The following MYBL2 variants were observed in gnomAD, a reference collection of about 807,000 sequenced individuals.
The protein encoded by MYBL2 is myb-related protein B.
In MYBL2, 28 loss-of-function variants were observed where a neutral mutation model predicts 79.9. The observed-to-expected ratio is 0.35, with a 90% CI of 0.26 to 0.48. The LOEUF (loss-of-function observed/expected upper bound fraction) is 0.48. Among genes scored for constraint, MYBL2 ranks in the 20% least tolerant of loss-of-function variants. The pLI is 0.99. For synonymous variants in MYBL2, 378 were observed against 361.2 expected, an observed-to-expected ratio of 1.05 and a Z score of -0.53; for missense variants, 735 against 893.9, an observed-to-expected ratio of 0.82 and a Z score of 2.27.
intron 1 of MYBL2, among the ~76,000 whole-genome samples, chr20:43,669,087 C>T (rs1207896058): frequency 1.3e-5 from 2 of 152,180 alleles, no homozygotes; most frequent in South Asian, 2.1e-4. Flanking sequence ...AATCCGCCTG[C>T]CTTGGCCTCA....
chr20:43,696,928 T>C (rs1987556760), intron 6 of MYBL2, among the ~76,000 whole-genome samples: 1 of 152,302 alleles, frequency 6.6e-6, no homozygotes, highest in Admixed American at 6.5e-5. Flanking sequence ...GGTTTCACCA[T>C]GTTGGCCAGG....
rs774658231 is a variant in MYBL2 at position 43,702,474 on chromosome 20, C to G, written c.952-16C>G. 128 of 1,576,628 alleles carry G rather than the reference C, an allele frequency of 8.1e-5. No homozygotes were observed. Among genetic ancestry groups the G allele is most frequent in the Non-Finnish European group, 1.1e-4 (127 of 1,155,492 alleles). Reference sequence around the variant, plus strand: ...GAGCATAGTAATTGCAATTCCTAACCTCCCTCCCTGGACAGGACCCTGATG... The same window carrying G: ...GAGCATAGTAATTGCAATTCCTAACGTCCCTCCCTGGACAGGACCCTGATG... On this transcript the variant is annotated splice_polypyrimidine_tract_variant and intron_variant, in intron 7 of 13. Transcript: ENST00000217026.
chr20:43,709,974 C>T lies in MYBL2; in HGVS notation c.1517C>T (p.Pro506Leu). 1 of 1,606,386 alleles carries T rather than the reference C, an allele frequency of 6.2e-7. No homozygotes were observed. Among genetic ancestry groups the T allele is most frequent in the Non-Finnish European group, 8.5e-7 (1 of 1,176,312 alleles). The stretch of plus-strand genomic sequence containing the variant: ...CTGGCCCCTGGCAGGTTTGTAACCC[C>T]AGATCAGAAGTACTCCATGGACAAC... Reference protein sequence around the residue: ...LHQKHAAFVTPDQKYSMDNTP... With the variant: ...LHQKHAAFVTLDQKYSMDNTP... The change falls in exon 10 of 14, where the codon CCA becomes CTA. Residue 506 changes from proline (P) to leucine (L), a missense_variant. By Grantham distance (98) the Pro-to-Leu change is moderately conservative. Around this residue, in one of 5 missense-constraint regions of MYBL2, gnomAD observed 243 missense variants for 327.2 expected, o/e 0.74. Coordinates refer to ENST00000217026, the MANE Select transcript of MYBL2 (RefSeq NM_002466.4).
chr20:43,687,019 C>T lies in MYBL2; in HGVS notation c.447C>T (p.Ala149=), dbSNP rs753627195. The T allele has an allele frequency of 1.2e-6, 2 of 1,613,838 alleles. No homozygotes were observed. Among genetic ancestry groups the T allele is most frequent in the African/African-American group, 1.3e-5 (1 of 75,040 alleles). Residue 149 remains alanine (A), a synonymous_variant, in exon 5 of 14, where the codon GCC becomes GCT. Transcript: ENST00000217026. ...TEEEDRIICE[A]HKVLGNRWAE... is the part of the protein sequence containing the mutation. ...AGGAGGACCGCATCATCTGCGAGGC[C>T]CACAAGGTGCTGGGCAACCGCTGGG...
chr20:43,673,594 GC>G (rs1396341743), intron 1 of MYBL2: 5 of 634,882 alleles, frequency 7.9e-6, no homozygotes, highest in Non-Finnish European at 1.2e-5. Flanking sequence ...CTACGATCAT[GC>G]CACACTGAAT....
chr20:43,682,137 A>G (rs1352826660), intron 3 of MYBL2, among the ~76,000 whole-genome samples: 1 of 152,198 alleles, frequency 6.6e-6, no homozygotes, highest in Non-Finnish European at 1.5e-5. Context: ...TTCTTCCTGT[A>G]AGTCAGGAGT....
At chr20:43,712,475 G>A (rs944796443) in intron 11 of MYBL2, among the ~76,000 whole-genome samples, 4 of 152,164 alleles carry the variant, frequency 2.6e-5, no homozygotes, top group African/African-American at 9.7e-5. Context: ...GCACTGTTGG[G>A]TAGAGTGGGG....
At chr20:43,685,893 C>T (rs1051900008) in intron 4 of MYBL2, among the ~76,000 whole-genome samples, 16 of 151,640 alleles carry the variant, frequency 1.1e-4, no homozygotes, top group Admixed American at 9.2e-4. Context: ...CAAAATTAGC[C>T]GGGCATGGTG....
intron 1 of MYBL2, 81 bp from the exon 2 acceptor site, chr20:43,673,725 G>T: frequency 7.4e-7 from 1 of 1,351,104 alleles, no homozygotes; most frequent in Non-Finnish European, 1.1e-6. Context: ...CCTAGGGTGG[G>T]CTGGCCGCTG....
chr20:43,699,377 TGA>T (rs1414377909), intron 6 of MYBL2, among the ~76,000 whole-genome samples: 1 of 152,216 alleles, frequency 6.6e-6, no homozygotes, highest in African/African-American at 2.4e-5. Flanking sequence ...CTGAGCCATT[TGA>T]GAGTTAGTTA....
At position 43,702,872 on chromosome 20, in the gene MYBL2, C is replaced by G; in HGVS notation, c.1334C>G (p.Pro445Arg). Residue 445 changes from proline to arginine, a missense_variant, in exon 8 of 14, where the codon CCT becomes CGT. By Grantham distance (103) the Pro-to-Arg change is moderately radical (BLOSUM62 -2). Coordinates refer to ENST00000217026, the MANE Select transcript of MYBL2 (RefSeq NM_002466.4). ...AACAGCCTCACGCCCAAGAGCACAC[C>G]TGTTAAGACCCTGCCCTTCTCGCCC... Reference protein sequence around the residue: ...SCNSLTPKSTPVKTLPFSPSQ... With the variant: ...SCNSLTPKSTRVKTLPFSPSQ... 6 of 1,603,844 alleles carry G rather than the reference C, an allele frequency of 3.7e-6. No individual in the cohort carries two copies. Among genetic ancestry groups the G allele is most frequent in the Non-Finnish European group, 4.3e-6 (5 of 1,171,704 alleles).
chr20:43,673,545 G>A (rs890550965), intron 1 of MYBL2: 10 of 509,522 alleles, frequency 2.0e-5, no homozygotes, highest in Non-Finnish European at 3.7e-5. Flanking sequence ...GCTGGGGCGG[G>A]ACGATCATTT....
intron 6 of MYBL2, among the ~76,000 whole-genome samples, chr20:43,699,117 C>T (rs1987625875): frequency 6.6e-6 from 1 of 152,168 alleles, no homozygotes; most frequent in Non-Finnish European, 1.5e-5. Context: ...CAGCTCACTG[C>T]AACCTCTGCC....
At chr20:43,698,414 G>A (rs112808815) in intron 6 of MYBL2, among the ~76,000 whole-genome samples, 3,661 of 118,578 alleles carry the variant, frequency 0.031, 192 homozygotes, top group African/African-American at 0.11. Flanking sequence ...GTCTCGTTCT[G>A]TAGCCCAGGC....
At chr20:43,672,734 C>T (rs1201702011) in intron 1 of MYBL2, among the ~76,000 whole-genome samples, 1 of 152,014 alleles carries the variant, frequency 6.6e-6, no homozygotes, top group African/African-American at 2.4e-5. Context: ...GTAACAGAGC[C>T]AGACTCTGTC....
In MYBL2 at chr20:43,705,200, CCT is replaced by C. The variant is rs745844349; in HGVS notation, c.1366-12_1366-11del. The C allele has an allele frequency of 5.0e-6, 8 of 1,612,746 alleles. No individual in the cohort carries two copies. The highest frequency in any genetic ancestry group is 4.4e-5 in the South Asian group (4 of 90,784). On this transcript the variant is annotated splice_polypyrimidine_tract_variant and intron_variant, in intron 8 of 13. Coordinates refer to ENST00000217026, the MANE Select transcript of MYBL2 (RefSeq NM_002466.4). ...TGCAGGTCATCATTTTGTCTTGTTC[CCT>C]CTCTCTTCTTTGGCAGTTTCTGAAC... is the stretch of plus-strand genomic sequence containing the variant.
chr20:43,675,358 G>A (rs1986979418), intron 2 of MYBL2, among the ~76,000 whole-genome samples: 1 of 150,390 alleles, frequency 6.6e-6, no homozygotes, highest in South Asian at 2.1e-4. Context: ...CTGTCTCCCA[G>A]GCTGAAGTGC....
chr20:43,689,812 G>A (rs539646148), intron 5 of MYBL2, among the ~76,000 whole-genome samples: 1 of 152,314 alleles, frequency 6.6e-6, no homozygotes, highest in South Asian at 2.1e-4. Flanking sequence ...CACACAGTGG[G>A]TGCTTTTTAT....
intron 13 of MYBL2, among the ~76,000 whole-genome samples, chr20:43,715,690 T>G (rs979439949): frequency 6.6e-6 from 1 of 152,194 alleles, no homozygotes; most frequent in African/African-American, 2.4e-5. Context: ...ACCCGCCTCC[T>G]GGCTGTGGCT....
Sources: gnomAD v4.1 joint callset for allele counts (sites outside exome capture counted in the v4.1 genomes callset) on GRCh38, gnomAD v4.1.1 for gene constraint, gnomAD v4.1.1 regional missense constraint, MANE v1.5 for transcripts, NCBI Gene and HGNC (gene_info 2026-07-23, HGNC 2026-07-21) for gene names.